Variants in KAZN observed in about 807,000 individuals in gnomAD.
The protein encoded by KAZN is kazrin, periplakin interacting protein.
KAZN carries 40 observed loss-of-function variants against 87.4 expected under a neutral mutation model. That is an observed-to-expected ratio of 0.46 (90% CI 0.36 to 0.60). KAZN has a LOEUF of 0.60. KAZN is among the 20% of genes least tolerant of loss of function. The probability of loss-of-function intolerance (pLI) is 0.00; values close to 1 mark genes in which losing one functional copy is unlikely to be tolerated. For missense variants in KAZN, 898 were observed against 1,073.9 expected, an observed-to-expected ratio of 0.84 and a Z score of 2.29; for synonymous variants, 466 against 458.3, an observed-to-expected ratio of 1.02 and a Z score of -0.22.
chr1:14,922,950 C>G (rs1463653775), intron 1 of KAZN, among the ~76,000 whole-genome samples: 2 of 152,180 alleles, frequency 1.3e-5, no homozygotes, highest in Admixed American at 1.3e-4. Flanking sequence ...ACTGTGGTTG[C>G]TGAGAGCCAG....
At chr1:14,562,412 T>G (rs947731118) in intron 2 of KAZN, among the ~76,000 whole-genome samples, 1 of 152,210 alleles carries the variant, frequency 6.6e-6, no homozygotes, top group Non-Finnish European at 1.5e-5. Context: ...TAAATTTGAC[T>G]GTATAAACCT....
At chr1:14,919,077 C>A (rs1173072499) in intron 1 of KAZN, among the ~76,000 whole-genome samples, 1 of 152,174 alleles carries the variant, frequency 6.6e-6, no homozygotes, top group African/African-American at 2.4e-5. Flanking sequence ...TAAAAAAGAG[C>A]AAGTCAACTG....
chr1:13,942,334 A>G (rs1640959967), intron 1 of KAZN, among the ~76,000 whole-genome samples: 1 of 151,004 alleles, frequency 6.6e-6, no homozygotes, highest in South Asian at 2.1e-4. Context: ...AGGTCAGGAG[A>G]TCGAGACCAT....
At chr1:14,934,098 G>A (rs1428535252) in intron 1 of KAZN, among the ~76,000 whole-genome samples, 15 of 150,616 alleles carry the variant, frequency 1.0e-4, no homozygotes, top group African/African-American at 3.4e-4. Flanking sequence ...CTTGTGATCC[G>A]CCCGCCTCGG....
chr1:14,441,458 C>T (rs998609486), intron 2 of KAZN, among the ~76,000 whole-genome samples: 1 of 152,110 alleles, frequency 6.6e-6, no homozygotes, highest in African/African-American at 2.4e-5. Context: ...GAATCAGAAA[C>T]CCTGGGCGTG....
intron 2 of KAZN, among the ~76,000 whole-genome samples, chr1:14,257,959 TAAAA>T (rs1168366132): frequency 3.1e-4 from 9 of 28,742 alleles, no homozygotes; most frequent in Non-Finnish European, 6.8e-4. Context: ...AAAAAAACAT[TAAAA>T]AAAAAAAAAG....
chr1:14,929,345 T>C (rs942393307), intron 1 of KAZN, among the ~76,000 whole-genome samples: 1 of 152,332 alleles, frequency 6.6e-6, no homozygotes, highest in South Asian at 2.1e-4. Flanking sequence ...GCTTTCTGAG[T>C]CATCACGAAA....
chr1:13,922,694 A>C (rs1051512533), intron 1 of KAZN, among the ~76,000 whole-genome samples: 4 of 152,176 alleles, frequency 2.6e-5, no homozygotes, highest in Admixed American at 6.6e-5. Context: ...TGACTCATCA[A>C]GTCACAGTCT....
At chr1:14,678,843 G>A (rs527621875) in intron 1 of KAZN, among the ~76,000 whole-genome samples, 31 of 152,220 alleles carry the variant, frequency 2.0e-4, no homozygotes, top group South Asian at 4.1e-4. Flanking sequence ...AATATATCCC[G>A]TATGTAATAG....
intron 2 of KAZN, among the ~76,000 whole-genome samples, chr1:14,312,317 CAAT>C (rs1200138723): frequency 1.3e-5 from 2 of 152,158 alleles, no homozygotes; most frequent in East Asian, 3.8e-4. Context: ...TTTTAAATAA[CAAT>C]AATAACAATT....
chr1:14,172,271 A>G (rs948942879), intron 1 of KAZN, among the ~76,000 whole-genome samples: 1 of 152,238 alleles, frequency 6.6e-6, no homozygotes, highest in African/African-American at 2.4e-5. Context: ...GTTTAGTTGA[A>G]ATGTCTATAG....
At chr1:14,380,592 GT>G (rs1274527166) in intron 2 of KAZN, among the ~76,000 whole-genome samples, 3 of 152,122 alleles carry the variant, frequency 2.0e-5, no homozygotes, top group African/African-American at 7.2e-5. Flanking sequence ...ATACATCAGA[GT>G]TTTTTAATAG....
rs544134707 is a variant in KAZN at position 14,300,931 on chromosome 1, C to T, written c.249+120339C>T. 7.2e-5 allele frequency among the ~76,000 whole-genome samples: 11 copies of T among 152,284 alleles called. No homozygotes were observed. The South Asian group carries it at 2.3e-3, about 32-fold the overall frequency. The stretch of plus-strand genomic sequence containing the variant: ...GTGGAACTTGGGTGTGGAGGTGTGT[C>T]CCCTGCTAGAGACCTAGCCTGAATT... On this transcript the variant is annotated intron_variant, in intron 2 of 16. Transcript: ENST00000636203.
In KAZN at chr1:15,099,919, G is replaced by A. The variant is rs1034647563; in HGVS notation, c.1548-1624G>A. 1.4e-4 allele frequency among the ~76,000 whole-genome samples: 21 copies of A among 152,136 alleles called. No homozygotes were observed. The highest frequency in any genetic ancestry group is 7.9e-4 in the Admixed American group (12 of 15,286). On this transcript the variant is annotated intron_variant, in intron 10 of 14. Transcript: ENST00000376030. This position sits in a 1 kb window ranked among gnomAD's most constrained non-coding sequence, Gnocchi z 5.4. ...ACCAGAGTGACCGACAGACAAGGACGGGCTATCAGCTTGGGAGCTGGGTGA... is the reference window on the plus strand; with the variant it reads ...ACCAGAGTGACCGACAGACAAGGACAGGCTATCAGCTTGGGAGCTGGGTGA...
At chr1:14,359,304 C>T (rs1659307362) in intron 2 of KAZN, among the ~76,000 whole-genome samples, 1 of 151,522 alleles carries the variant, frequency 6.6e-6, no homozygotes, top group African/African-American at 2.4e-5. Context: ...ATTCCTCCAT[C>T]CCTTTATTTT....
intron 1 of KAZN, among the ~76,000 whole-genome samples, chr1:14,740,117 T>C (rs1644042171): frequency 6.6e-6 from 1 of 152,138 alleles, no homozygotes; most frequent in Non-Finnish European, 1.5e-5. Flanking sequence ...GCCGAGTGTG[T>C]GCTGGGGCTG....
At position 14,769,190 on chromosome 1, in the gene KAZN, A is replaced by T. The variant is rs970033750; in HGVS notation, c.226+169967A>T. On this transcript the variant is annotated intron_variant, in intron 1 of 14. Coordinates refer to ENST00000376030, the MANE Select transcript of KAZN (RefSeq NM_201628.3). The surrounding 1 kb of genome is among the most constrained non-coding windows in gnomAD (Gnocchi z 4.1). ...CACCTTTGAGTCTGACCCTGTCATCAGTCCTTCACTCTGATAAGCTTGGCG... is the reference window on the plus strand; with the variant it reads ...CACCTTTGAGTCTGACCCTGTCATCTGTCCTTCACTCTGATAAGCTTGGCG... Among the ~76,000 whole-genome samples, 1 of 152,184 alleles carries T rather than the reference A, an allele frequency of 6.6e-6. No individual in the cohort carries two copies. The highest frequency in any genetic ancestry group is 2.4e-5 in the African/African-American group (1 of 41,450).
chr1:14,646,481 G>A (rs1477395601), intron 1 of KAZN, among the ~76,000 whole-genome samples: 2 of 152,156 alleles, frequency 1.3e-5, no homozygotes, highest in Admixed American at 1.3e-4. Flanking sequence ...GGAAGCTGGG[G>A]GTAACTGGAT....
intron 1 of KAZN, among the ~76,000 whole-genome samples, chr1:14,033,707 A>T (rs945231889): frequency 1.3e-5 from 2 of 152,246 alleles, no homozygotes; most frequent in African/African-American, 4.8e-5. Flanking sequence ...AAGGCTCCCC[A>T]ATCTATGGTG....
Sources: gnomAD v4.1 joint callset for allele counts (sites outside exome capture counted in the v4.1 genomes callset) on GRCh38, gnomAD v4.1.1 for gene constraint, Gnocchi (gnomAD v3.1) non-coding constraint, MANE v1.5 for transcripts, NCBI Gene and HGNC (gene_info 2026-07-23, HGNC 2026-07-21) for gene names.